Variants in SORCS1 observed in about 807,000 individuals in gnomAD.
SORCS1 encodes VPS10 domain-containing receptor SorCS1.
SORCS1 carries 60 observed loss-of-function variants against 146.1 expected under a neutral mutation model. That is an observed-to-expected ratio of 0.41 (90% CI 0.33 to 0.51). The LOEUF is 0.51. SORCS1 is among the 20% of genes least tolerant of loss of function. The probability of loss-of-function intolerance (pLI) is 0.21; values close to 1 mark genes in which losing one functional copy is unlikely to be tolerated. For missense variants in SORCS1, 1,352 were observed against 1,487.6 expected, an observed-to-expected ratio of 0.91 and a Z score of 1.50; for synonymous variants, 637 against 584.0, an observed-to-expected ratio of 1.09 and a Z score of -1.31.
chr10:107,067,553 GCTT>G (rs1465331289), intron 1 of SORCS1, among the ~76,000 whole-genome samples: 1 of 152,154 alleles, frequency 6.6e-6, no homozygotes, highest in African/African-American at 2.4e-5. Flanking sequence ...AATGCTGTGT[GCTT>G]TTTAGGAAGA....
chr10:106,791,922 C>G (rs1946339604), intron 3 of SORCS1, among the ~76,000 whole-genome samples: 1 of 151,902 alleles, frequency 6.6e-6, no homozygotes, highest in Admixed American at 6.6e-5. Flanking sequence ...TTCCTTTTTC[C>G]CTCCCTTTTA....
chr10:106,734,919 G>T (rs148014150), intron 5 of SORCS1, among the ~76,000 whole-genome samples: 3 of 151,982 alleles, frequency 2.0e-5, no homozygotes, highest in Non-Finnish European at 4.4e-5. Flanking sequence ...CCTATAATCC[G>T]AGGATCACCT....
intron 19 of SORCS1, among the ~76,000 whole-genome samples, chr10:106,623,478 T>C (rs1443804646): frequency 6.6e-6 from 1 of 151,814 alleles, no homozygotes; most frequent in African/African-American, 2.4e-5. Context: ...ACTCCTGACC[T>C]TGTGATCCGC....
intron 2 of SORCS1, among the ~76,000 whole-genome samples, chr10:106,901,267 C>A (rs1951688343): frequency 6.6e-6 from 1 of 152,146 alleles, no homozygotes. Flanking sequence ...ATGCACAAAG[C>A]AAAAGTACAT....
intron 1 of SORCS1, among the ~76,000 whole-genome samples, chr10:107,057,135 G>T (rs1177669468): frequency 6.6e-6 from 1 of 152,024 alleles, no homozygotes; most frequent in Non-Finnish European, 1.5e-5. Flanking sequence ...ACCACTAGAG[G>T]ATGAAAGACT....
chr10:106,927,507 G>A (rs1190020176), intron 2 of SORCS1, among the ~76,000 whole-genome samples: 1 of 152,110 alleles, frequency 6.6e-6, no homozygotes, highest in Non-Finnish European at 1.5e-5. Flanking sequence ...AAAGAATAAA[G>A]CTTCCACCAC....
intron 4 of SORCS1, among the ~76,000 whole-genome samples, chr10:106,769,541 A>T (rs1859845384): frequency 6.6e-6 from 1 of 151,850 alleles, no homozygotes; most frequent in Admixed American, 6.6e-5. Context: ...TAAAGAGAAG[A>T]TTTTTTGTTT....
chr10:106,978,499 T>C (rs906874668), intron 1 of SORCS1, among the ~76,000 whole-genome samples: 1 of 152,126 alleles, frequency 6.6e-6, no homozygotes, highest in Non-Finnish European at 1.5e-5. Context: ...TTAAAGTTTT[T>C]CTTAAAAGAC....
intron 3 of SORCS1, among the ~76,000 whole-genome samples, chr10:106,821,778 C>T (rs1362532942): frequency 6.6e-6 from 1 of 151,856 alleles, no homozygotes; most frequent in Non-Finnish European, 1.5e-5. Context: ...AAAAATTAGC[C>T]AGGCGTGTTG....
chr10:106,687,204 G>A (rs189480016), intron 10 of SORCS1, among the ~76,000 whole-genome samples: 16 of 152,270 alleles, frequency 1.1e-4, no homozygotes, highest in Middle Eastern at 3.4e-3. Flanking sequence ...GGAATAAGAC[G>A]TGACCCTGCA....
At chr10:106,577,812 CT>C (rs1564737385) in intron 25 of SORCS1, 1 of 432,748 alleles carries the variant, frequency 2.3e-6, no homozygotes, top group Non-Finnish European at 3.7e-6. Context: ...AGACTTTTTT[CT>C]TTTTAGCCCC....
intron 1 of SORCS1, among the ~76,000 whole-genome samples, chr10:107,054,608 G>C (rs963852490): frequency 6.6e-6 from 1 of 152,188 alleles, no homozygotes; most frequent in Non-Finnish European, 1.5e-5. Flanking sequence ...GTCACATTCA[G>C]AGCCTTGCTG....
intron 1 of SORCS1, among the ~76,000 whole-genome samples, chr10:107,079,495 A>T (rs1963161404): frequency 6.6e-6 from 1 of 152,228 alleles, no homozygotes; most frequent in South Asian, 2.1e-4. Flanking sequence ...ACAGGAAAGA[A>T]GTGAACAGTC....
At chr10:106,715,192 G>A (rs1212308324) in intron 6 of SORCS1, among the ~76,000 whole-genome samples, 1 of 152,228 alleles carries the variant, frequency 6.6e-6, no homozygotes, top group Non-Finnish European at 1.5e-5. Flanking sequence ...TCTGGTGAGT[G>A]TATGATGTGA....
chr10:106,797,663 T>C (rs190839390), intron 3 of SORCS1, among the ~76,000 whole-genome samples: 1 of 152,192 alleles, frequency 6.6e-6, no homozygotes, highest in East Asian at 1.9e-4. Flanking sequence ...AAAACATCAA[T>C]CTGAATATTA....
At chr10:107,095,274 A>C (rs1964468362) in intron 1 of SORCS1, among the ~76,000 whole-genome samples, 2 of 152,184 alleles carry the variant, frequency 1.3e-5, no homozygotes, top group Non-Finnish European at 2.9e-5. Context: ...AACAGAAGGC[A>C]ATCTGTCTCA....
chr10:106,648,767 G>GC (rs1849640879), intron 18 of SORCS1, among the ~76,000 whole-genome samples: 1 of 152,062 alleles, frequency 6.6e-6, no homozygotes, highest in Non-Finnish European at 1.5e-5. Context: ...CCACCCCTGG[G>GC]CCCCTGCCCT....
intron 1 of SORCS1, among the ~76,000 whole-genome samples, chr10:107,018,806 T>C (rs1182225138): frequency 6.6e-6 from 1 of 152,228 alleles, no homozygotes; most frequent in Non-Finnish European, 1.5e-5. Context: ...AATAACTTTT[T>C]GAACAGTGAC....
chr10:106,587,144 A>C (rs1356031131), intron 24 of SORCS1, among the ~76,000 whole-genome samples: 1 of 152,200 alleles, frequency 6.6e-6, no homozygotes, highest in African/African-American at 2.4e-5. Context: ...GCAACTACCT[A>C]ATTACTTGAA....
Sources: allele counts gnomAD v4.1 joint callset (sites outside exome capture counted in the v4.1 genomes callset), GRCh38; gene constraint gnomAD v4.1.1; transcripts MANE v1.5; gene names NCBI Gene and HGNC (gene_info 2026-07-23, HGNC 2026-07-21).